SPPL2A: variants seen among roughly 807,000 people sequenced by gnomAD.
SPPL2A encodes the protein signal peptide peptidase-like 2A.
A neutral mutation model predicts 63.8 loss-of-function variants in SPPL2A; 51 were observed. The observed-to-expected ratio is 0.80, with a 90% CI of 0.64 to 1.01. The LOEUF (loss-of-function observed/expected upper bound fraction) is 1.01. Among genes scored for constraint, SPPL2A ranks in the 50% least tolerant of loss-of-function variants. SPPL2A has a pLI of 0.00. For synonymous variants in SPPL2A, 188 were observed against 205.8 expected, an observed-to-expected ratio of 0.91 and a Z score of 0.74; for missense variants, 553 against 622.7, an observed-to-expected ratio of 0.89 and a Z score of 1.19.
chr15:50,746,211 G>A (rs925642604), intron 5 of SPPL2A, among the ~76,000 whole-genome samples: 2 of 151,746 alleles, frequency 1.3e-5, no homozygotes, highest in African/African-American at 2.4e-5. Flanking sequence ...AGGCCAAGGC[G>A]GGCAGATCAA....
In SPPL2A at chr15:50,719,863, T is replaced by C. The variant is rs989415406; in HGVS notation, c.1488+77A>G. On this transcript the variant is annotated intron_variant, in intron 14 of 14. Coordinates refer to ENST00000261854, the MANE Select transcript of SPPL2A (RefSeq NM_032802.4). ...TTTGGTACATAAAAGCTTTGCTACA[T>C]ATAGGCTGTTCCCACCCAAAATCAG... 8.5e-6 allele frequency: 9 copies of C among 1,057,560 alleles called. No individual in the cohort carries two copies. The African/African-American group carries it at 1.4e-4, about 17-fold the overall frequency. 65.5% of individuals were successfully genotyped at this position (1,057,560 alleles called of 1,614,324 possible). A position where few individuals can be genotyped will look rare whatever the true frequency, so the allele number is the denominator to read the frequency against.
chr15:50,748,793 G>C lies in SPPL2A; in HGVS notation c.255C>G (p.Ser85Arg). The C allele has an allele frequency of 1.2e-6, 2 of 1,612,022 alleles. No homozygotes were observed. The highest frequency in any genetic ancestry group is 1.7e-6 in the Non-Finnish European group (2 of 1,179,078). ...TTCCCCATGGAACCACAACTGCTTT[G>C]CTCTTTATGCCAACAGGAGGAATAT... ...LSDIPPVGIKSKAVVVPWGSC... is the reference protein window; with the variant it reads ...LSDIPPVGIKRKAVVVPWGSC... Residue 85 changes from serine (S) to arginine (R), a missense_variant, in exon 3 of 15, where the codon AGC (serine) becomes AGG (arginine). Transcript: ENST00000261854.
intron 14 of SPPL2A, among the ~76,000 whole-genome samples, chr15:50,708,425 A>G (rs1312473201): frequency 2.0e-5 from 3 of 152,086 alleles, no homozygotes; most frequent in Non-Finnish European, 4.4e-5. Flanking sequence ...TACATTTGCT[A>G]GGCCGGGCGC....
intron 14 of SPPL2A, among the ~76,000 whole-genome samples, chr15:50,716,942 T>G (rs1246497259): frequency 6.6e-6 from 1 of 152,194 alleles, no homozygotes; most frequent in Non-Finnish European, 1.5e-5. Flanking sequence ...TAGGTACTTC[T>G]GAAATGTTCA....
At chr15:50,730,722 ATACTT>A (rs986142164) in intron 10 of SPPL2A, among the ~76,000 whole-genome samples, 1 of 152,214 alleles carries the variant, frequency 6.6e-6, no homozygotes, top group Non-Finnish European at 1.5e-5. Context: ...ATAAGAAAAA[ATACTT>A]TAAAAAGGGA....
rs968528474 is a variant in SPPL2A, at chr15:50,706,711, T to A, written c.*1089A>T. 15 of 151,986 alleles carry A rather than the reference T, an allele frequency of 9.9e-5. No individual in the cohort carries two copies. Among genetic ancestry groups the A allele is most frequent in the East Asian group, 1.9e-4 (1 of 5,188 alleles). 9.4% of individuals were successfully genotyped at this position (151,986 alleles called of 1,614,324 possible). ...AATTTCTTAAGAAAAATAATTTTTT[T>A]AAAAAATCAAACCTTAACATTAACA... On this transcript the variant is annotated 3_prime_UTR_variant, in exon 15 of 15. Coordinates refer to ENST00000261854, the MANE Select transcript of SPPL2A (RefSeq NM_032802.4).
At chr15:50,724,251 C>T (rs971100450) in intron 12 of SPPL2A, among the ~76,000 whole-genome samples, 1 of 152,132 alleles carries the variant, frequency 6.6e-6, no homozygotes, top group African/African-American at 2.4e-5. Context: ...CACCCATCCA[C>T]CACAGGCAGT....
At position 50,707,191 on chromosome 15, in the gene SPPL2A, T is replaced by TC. The variant is rs1322840469; in HGVS notation, c.*608dup. The TC allele has an allele frequency of 6.6e-6, 1 of 152,198 alleles. No individual in the cohort carries two copies. Among genetic ancestry groups the TC allele is most frequent in the African/African-American group, 2.4e-5 (1 of 41,414 alleles). The allele number at this position is 152,198 out of a possible 1,614,324, so 9.4% of individuals were successfully genotyped here. On this transcript the variant is annotated 3_prime_UTR_variant, in exon 15 of 15. Transcript: ENST00000261854. ...TGGAGTGCAGTGGCGTGATCTTGGC[T>TC]CACTGCAAGCTCCACTTCCCGGGTT...
intron 5 of SPPL2A, among the ~76,000 whole-genome samples, chr15:50,744,104 G>A (rs113410372): frequency 6.6e-6 from 1 of 151,788 alleles, no homozygotes; most frequent in Non-Finnish European, 1.5e-5. Context: ...GCTTGAACCT[G>A]GGAGGTGGAG....
chr15:50,715,620 A>G (rs1157970082), intron 14 of SPPL2A, among the ~76,000 whole-genome samples: 2 of 152,096 alleles, frequency 1.3e-5, no homozygotes, highest in South Asian at 2.1e-4. Context: ...GTGGGGGAAG[A>G]ATGGTTAGAA....
intron 5 of SPPL2A, among the ~76,000 whole-genome samples, chr15:50,746,049 T>C (rs2062854788): frequency 1.3e-5 from 2 of 151,442 alleles, no homozygotes; most frequent in Admixed American, 6.6e-5. Context: ...AGTCTCCATC[T>C]CAAAAAAATA....
chr15:50,747,511 T>C lies in SPPL2A; in HGVS notation c.568A>G (p.Ser190Gly). The change falls in exon 5 of 15, where the codon AGT becomes GGT. Residue 190 changes from serine to glycine, a missense_variant. Ser to Gly is a moderately conservative substitution (Grantham distance 56). Transcript: ENST00000261854. ...TAAACTTACAATTCAACTAGTCCAC[T>C]CCAGTATCCACCTAATGCCACAGTG... ...VFTVALGGYW[S>G]GLVELENLKA... 1.9e-6 allele frequency: 3 copies of C among 1,610,568 alleles called. No individual in the cohort carries two copies. The highest frequency in any genetic ancestry group is 2.5e-6 in the Non-Finnish European group (3 of 1,178,954).
At chr15:50,734,520 A>T (rs1056171127) in intron 8 of SPPL2A, among the ~76,000 whole-genome samples, 1 of 152,126 alleles carries the variant, frequency 6.6e-6, no homozygotes, top group Non-Finnish European at 1.5e-5. Context: ...ACCAGAGGCT[A>T]AAAAAAGGTA....
chr15:50,722,287 T>G (rs1180035364), intron 12 of SPPL2A, 86 bp from the exon 13 acceptor site: 1 of 746,414 alleles, frequency 1.3e-6, no homozygotes, highest in Non-Finnish European at 2.3e-6. Context: ...ATATGTTATA[T>G]TGAATCTTCA....
Position 50,702,973 on chromosome 15 carries a change from G to T in SPPL2A, c.*4827C>A, listed in dbSNP as rs111389708. On this transcript the variant is annotated 3_prime_UTR_variant, in exon 15 of 15. Transcript: ENST00000261854. ...TACAGTAGAGGATCAAATTCCAAAA[G>T]GTTGAGTAATTTGATTCAGATCTCT... 1 of 151,882 alleles carries T rather than the reference G, an allele frequency of 6.6e-6. No homozygotes were observed. The highest frequency in any genetic ancestry group is 1.5e-5 in the Non-Finnish European group (1 of 67,990). 9.4% of individuals were successfully genotyped at this position (151,882 alleles called of 1,614,324 possible).
At chr15:50,719,831 A>G in intron 14 of SPPL2A, 109 bp downstream of exon 14, 1 of 701,620 alleles carries the variant, frequency 1.4e-6, no homozygotes, top group Non-Finnish European at 2.4e-6. Context: ...GGGGTATTAC[A>G]GTACTTTTTG....
At position 50,765,611 on chromosome 15, in the gene SPPL2A, G is replaced by T; in HGVS notation, c.-78C>A. Reference sequence around the variant, plus strand: ...GGGGTAGGCTCGGAGTCCCGCCGCTGCGCTGCCTCCGTGGCCGGACCGGAC... The same window carrying T: ...GGGGTAGGCTCGGAGTCCCGCCGCTTCGCTGCCTCCGTGGCCGGACCGGAC... On this transcript the variant is annotated 5_prime_UTR_variant, in exon 1 of 15. Coordinates refer to ENST00000261854, the MANE Select transcript of SPPL2A (RefSeq NM_032802.4). 9.6e-7 allele frequency: 1 copy of T among 1,045,310 alleles called. No homozygotes were observed. Among genetic ancestry groups the T allele is most frequent in the Non-Finnish European group, 1.3e-6 (1 of 789,952 alleles). 64.8% of individuals were successfully genotyped at this position (1,045,310 alleles called of 1,614,324 possible).
chr15:50,761,934 C>CA (rs998439927), intron 1 of SPPL2A, among the ~76,000 whole-genome samples: 98 of 137,792 alleles, frequency 7.1e-4, no homozygotes, highest in Admixed American at 1.2e-3. Flanking sequence ...TCCATCTCAA[C>CA]AAAAAAAAAA....
Position 50,739,674 on chromosome 15 carries a change from T to G in SPPL2A, c.733+6A>C, listed in dbSNP as rs2062802373. 6.4e-7 allele frequency: 1 copy of G among 1,552,056 alleles called. No individual in the cohort carries two copies. The highest frequency in any genetic ancestry group is 2.0e-5 in the Admixed American group (1 of 50,138). On this transcript the variant is annotated splice_donor_region_variant and intron_variant, in intron 6 of 14. Transcript: ENST00000261854. ...ACAGTAGCAAACATAAAATATGACT[T>G]CTTACCCAACCATTTGTAGAAGAAA...
Sources: allele counts gnomAD v4.1 joint callset (sites outside exome capture counted in the v4.1 genomes callset), GRCh38; gene constraint gnomAD v4.1.1; transcripts MANE v1.5; gene names NCBI Gene and HGNC (gene_info 2026-07-23, HGNC 2026-07-21).